CFAP44: variants seen among roughly 807,000 people sequenced by gnomAD.
CFAP44 encodes the protein cilia and flagella associated protein 44, also known as cilia- and flagella-associated protein 44.
A neutral mutation model predicts 216.2 loss-of-function variants in CFAP44; 134 were observed. The observed-to-expected ratio is 0.62, with a 90% CI of 0.54 to 0.72. The LOEUF is 0.72. Among genes scored for constraint, CFAP44 ranks in the 30% least tolerant of loss-of-function variants. The pLI, the probability that CFAP44 is intolerant of heterozygous loss-of-function variation, is 0.00. For synonymous variants in CFAP44, 700 were observed against 727.6 expected (o/e 0.96, Z 0.61); for missense variants, 2,035 against 2,182.1 (o/e 0.93, Z 1.34).
chr3:113,404,174 A>C (rs1576592211), intron 8 of CFAP44, 158 bp from the exon 9 acceptor site: 1 of 791,538 alleles, frequency 1.3e-6, no homozygotes. Flanking sequence ...AAGACCTACT[A>C]CCCCAGACAC....
chr3:113,291,896 T>G, intron 34 of CFAP44, 148 bp from the exon 35 acceptor site: 1 of 871,750 alleles, frequency 1.1e-6, no homozygotes, highest in Non-Finnish European at 1.7e-6. Flanking sequence ...TCAATTCCTC[T>G]GCTAAAATCC....
Position 113,368,906 on chromosome 3 carries a change from C to G in CFAP44, c.2445-2597G>C, listed in dbSNP as rs147370784. Among the ~76,000 whole-genome samples, 209 of 152,160 alleles carry G rather than the reference C, an allele frequency of 1.4e-3. 1 individual carries two copies. Among genetic ancestry groups the G allele is most frequent in the Non-Finnish European group, 5.4e-4 (37 of 68,000 alleles). On this transcript the variant is annotated intron_variant, in intron 18 of 34. Coordinates refer to ENST00000393845, the MANE Select transcript of CFAP44 (RefSeq NM_001164496.2). ...AAGGGATGGAGGAAGATCTACCAAGCAAATGGAAAGCAAAAAAAGCAGAGG... is the reference window on the plus strand; with the variant it reads ...AAGGGATGGAGGAAGATCTACCAAGGAAATGGAAAGCAAAAAAAGCAGAGG...
chr3:113,402,440 G>A (rs1186093972), intron 9 of CFAP44, among the ~76,000 whole-genome samples: 3 of 152,266 alleles, frequency 2.0e-5, no homozygotes, highest in South Asian at 2.1e-4. Flanking sequence ...TTTACCTCAC[G>A]GTGGCAGGGA....
intron 6 of CFAP44, among the ~76,000 whole-genome samples, chr3:113,415,818 A>G (rs921791480): frequency 1.3e-5 from 2 of 152,160 alleles, no homozygotes; most frequent in African/African-American, 4.8e-5. Flanking sequence ...TGTGGCACTG[A>G]GAAGAATGTA....
chr3:113,439,638 C>G (rs1392102258), intron 1 of CFAP44, among the ~76,000 whole-genome samples: 1 of 152,178 alleles, frequency 6.6e-6, no homozygotes, highest in African/African-American at 2.4e-5. Flanking sequence ...GAAAGCCGCT[C>G]TCTGTATGTT....
chr3:113,396,450 TAGG>T, intron 14 of CFAP44, 65 bp downstream of exon 14: 1 of 1,477,334 alleles, frequency 6.8e-7, no homozygotes, highest in Non-Finnish European at 9.3e-7. Context: ...CATGATGAAG[TAGG>T]AGGACTTATA....
chr3:113,349,603 A>G (rs1042614030), intron 22 of CFAP44, among the ~76,000 whole-genome samples: 1 of 152,210 alleles, frequency 6.6e-6, no homozygotes, highest in African/African-American at 2.4e-5. Flanking sequence ...GCCCATGTCC[A>G]CTATCCCGAG....
intron 28 of CFAP44, among the ~76,000 whole-genome samples, chr3:113,310,036 G>A (rs1256640470): frequency 1.3e-5 from 2 of 152,200 alleles, no homozygotes; most frequent in African/African-American, 4.8e-5. Context: ...CAAAGGTTAA[G>A]TGGAGAGGCT....
intron 13 of CFAP44, among the ~76,000 whole-genome samples, chr3:113,397,987 A>G (rs754737068): frequency 6.6e-6 from 1 of 152,216 alleles, no homozygotes; most frequent in East Asian, 1.9e-4. Context: ...GTTGGAATGT[A>G]CCAAATCTAC....
rs757495866 is a variant in CFAP44 at position 113,401,201 on chromosome 3, A to G, written c.1374+39T>C. On this transcript the variant is annotated intron_variant, in intron 11 of 34. Coordinates refer to ENST00000393845, the MANE Select transcript of CFAP44 (RefSeq NM_001164496.2). ...AAGACAAATAACAAAAGTTTTTACT[A>G]TGAAAGTTAGGAGAAAATAAGAATA... The G allele has an allele frequency of 2.4e-5, 36 of 1,530,702 alleles. No individual in the cohort carries two copies. In the African/African-American group the frequency reaches 3.7e-4, roughly 16 times the overall value. 94.8% of individuals were successfully genotyped at this position (1,530,702 alleles called of 1,614,324 possible). A position where few individuals can be genotyped will look rare whatever the true frequency, so the allele number is the denominator to read the frequency against.
chr3:113,367,223 A>G (rs1204671912), intron 18 of CFAP44, among the ~76,000 whole-genome samples: 1 of 152,222 alleles, frequency 6.6e-6, no homozygotes, highest in Non-Finnish European at 1.5e-5. Flanking sequence ...CTCCCAGCAC[A>G]GCGTTCAAGC....
intron 18 of CFAP44, among the ~76,000 whole-genome samples, chr3:113,370,044 T>A (rs1018302137): frequency 6.6e-6 from 1 of 152,136 alleles, no homozygotes; most frequent in Non-Finnish European, 1.5e-5. Context: ...AAGTTGAATC[T>A]CTGAATAGAC....
In CFAP44 at chr3:113,289,904, C is replaced by T. The variant is rs1482245099; in HGVS notation, c.*1653G>A. On this transcript the variant is annotated 3_prime_UTR_variant, in exon 35 of 35. Transcript: ENST00000393845. ...CCAAGGGAGTGAATTTGCTAATAGCCCCTCCAGCTCCAGCCAAGCTTCAGA... is the reference window on the plus strand; with the variant it reads ...CCAAGGGAGTGAATTTGCTAATAGCTCCTCCAGCTCCAGCCAAGCTTCAGA... 6.6e-6 allele frequency: 1 copy of T among 152,232 alleles called. No homozygotes were observed. Among genetic ancestry groups the T allele is most frequent in the African/African-American group, 2.4e-5 (1 of 41,428 alleles). The allele number at this position is 152,232 out of a possible 1,614,324, so 9.4% of individuals were successfully genotyped here.
intron 25 of CFAP44, among the ~76,000 whole-genome samples, chr3:113,331,063 T>A (rs1950237472): frequency 6.6e-6 from 1 of 152,140 alleles, no homozygotes; most frequent in Admixed American, 6.5e-5. Context: ...GAACTTTGAA[T>A]CCCTTTGACT....
chr3:113,378,521 C>T (rs1482506118), intron 17 of CFAP44, among the ~76,000 whole-genome samples: 1 of 152,122 alleles, frequency 6.6e-6, no homozygotes, highest in Non-Finnish European at 1.5e-5. Context: ...TAGTCAGTGT[C>T]CTGGCCTGGC....
chr3:113,400,443 G>C (rs1356942576), intron 12 of CFAP44, 102 bp downstream of exon 12: 2 of 1,036,320 alleles, frequency 1.9e-6, no homozygotes, highest in Non-Finnish European at 2.6e-6. Flanking sequence ...CTCCCCTTTT[G>C]GGAAAATCCC....
At chr3:113,348,064 G>A (rs1950405457) in intron 22 of CFAP44, among the ~76,000 whole-genome samples, 1 of 152,200 alleles carries the variant, frequency 6.6e-6, no homozygotes, top group African/African-American at 2.4e-5. Flanking sequence ...TGCTGCATTG[G>A]TGAGCACAAC....
chr3:113,351,032 G>A (rs113060529), intron 22 of CFAP44, among the ~76,000 whole-genome samples: 1,956 of 152,322 alleles, frequency 0.013, 21 homozygotes, highest in Middle Eastern at 0.02. Context: ...TATTCAGTAA[G>A]TTATAAGGAA....
chr3:113,418,570 C>A (rs561166655), intron 5 of CFAP44, among the ~76,000 whole-genome samples: 1 of 152,154 alleles, frequency 6.6e-6, no homozygotes, highest in Non-Finnish European at 1.5e-5. Flanking sequence ...TGAGGTAACA[C>A]GGACAGTGGA....
Sources: gnomAD v4.1 joint callset for allele counts (sites outside exome capture counted in the v4.1 genomes callset) on GRCh38, gnomAD v4.1.1 for gene constraint, MANE v1.5 for transcripts, NCBI Gene and HGNC (gene_info 2026-07-23, HGNC 2026-07-21) for gene names.